ABCA13: variants seen among roughly 807,000 people sequenced by gnomAD.
ABCA13 encodes ATP binding cassette subfamily A member 13, also known as ATP-binding cassette sub-family A member 13.
Under a neutral mutation model 478.7 loss-of-function variants are expected in ABCA13, and 476 were observed. That is an observed-to-expected ratio of 0.99 (90% CI 0.92 to 1.07). The LOEUF (loss-of-function observed/expected upper bound fraction) is 1.07. Ranked by LOEUF, ABCA13 falls within the 50% of genes least tolerant of loss-of-function variation. The pLI, the probability that ABCA13 is intolerant of heterozygous loss-of-function variation, is 0.00. For missense variants in ABCA13, 6,060 were observed against 5,910.6 expected (o/e 1.03, Z -0.83); for synonymous variants, 2,252 against 2,158.9 (o/e 1.04, Z -1.20).
Position 48,391,150 on chromosome 7 carries a change from A to G in ABCA13, c.11655-771A>G, listed in dbSNP as rs1815984668. Among the ~76,000 whole-genome samples, 3 of 152,328 alleles carry G rather than the reference A, an allele frequency of 2.0e-5. No homozygotes were observed. The South Asian group carries it at 6.2e-4, about 32-fold the overall frequency. On this transcript the variant is annotated intron_variant, in intron 37 of 61. Transcript: ENST00000435803. Reference sequence around the variant, plus strand: ...GATTTCTTGTGGTTTTAACACACACAGACTATCCCGGGAGCAGCGGAAAGA... The same window carrying G: ...GATTTCTTGTGGTTTTAACACACACGGACTATCCCGGGAGCAGCGGAAAGA...
chr7:48,489,942 A>G (rs1445432118), intron 48 of ABCA13, among the ~76,000 whole-genome samples: 2 of 152,164 alleles, frequency 1.3e-5, no homozygotes, highest in East Asian at 3.8e-4. Flanking sequence ...CTTCTTTTTT[A>G]AAGAAAGGAA....
intron 58 of ABCA13, among the ~76,000 whole-genome samples, chr7:48,612,998 T>A (rs1351580207): frequency 6.6e-6 from 1 of 152,156 alleles, no homozygotes; most frequent in East Asian, 1.9e-4. Context: ...TAAAATCAAT[T>A]TGATTTAATG....
chr7:48,378,673 T>C (rs1813872574), intron 35 of ABCA13, among the ~76,000 whole-genome samples: 1 of 152,210 alleles, frequency 6.6e-6, no homozygotes, highest in Non-Finnish European at 1.5e-5. Context: ...GATTAACATC[T>C]ACCCAATATG....
chr7:48,481,790 G>C (rs930116140), intron 46 of ABCA13, among the ~76,000 whole-genome samples: 4 of 152,102 alleles, frequency 2.6e-5, no homozygotes, highest in African/African-American at 9.7e-5. Context: ...TTACAGGCAT[G>C]AGCCGATAGC....
chr7:48,397,436 A>T (rs1344705610), intron 38 of ABCA13, among the ~76,000 whole-genome samples: 2 of 152,094 alleles, frequency 1.3e-5, no homozygotes, highest in Non-Finnish European at 2.9e-5. Context: ...TTTCTTTCAA[A>T]GTGTCAAAAA....
At chr7:48,638,485 G>A (rs1918583) in intron 59 of ABCA13, among the ~76,000 whole-genome samples, 110,745 of 152,144 alleles carry the variant, frequency 0.73, 41,363 homozygotes, top group African/African-American at 0.89. Context: ...TTCTTCTCCA[G>A]GAGGAATGTG....
intron 55 of ABCA13, among the ~76,000 whole-genome samples, chr7:48,549,399 TC>T (rs897781260): frequency 2.6e-5 from 4 of 151,852 alleles, no homozygotes; most frequent in Admixed American, 1.3e-4. Flanking sequence ...ATGATCTCGT[TC>T]TTTTTTATGG....
chr7:48,363,955 A>G (rs1811280693), intron 31 of ABCA13, among the ~76,000 whole-genome samples: 2 of 152,252 alleles, frequency 1.3e-5, no homozygotes, highest in South Asian at 4.1e-4. Context: ...ACTTTTTCGC[A>G]TGGGTTTTTC....
intron 42 of ABCA13, among the ~76,000 whole-genome samples, chr7:48,446,292 C>A (rs1220454502): frequency 6.6e-6 from 1 of 151,194 alleles, no homozygotes. Flanking sequence ...TATCTTTAAG[C>A]TCAAAGTTTA....
intron 39 of ABCA13, 55 bp downstream of exon 39, chr7:48,403,934 A>G (rs774385549): frequency 5.2e-6 from 8 of 1,549,766 alleles, no homozygotes; most frequent in African/African-American, 1.4e-5. Context: ...GTTGCAGGAA[A>G]TGCATTGCTA....
chr7:48,301,036 G>A (rs1035024781), intron 23 of ABCA13, among the ~76,000 whole-genome samples: 1 of 152,156 alleles, frequency 6.6e-6, no homozygotes, highest in African/African-American at 2.4e-5. Flanking sequence ...TCAAAAGTCG[G>A]CCCTCTGTCC....
chr7:48,505,278 C>T (rs981955425), intron 48 of ABCA13, among the ~76,000 whole-genome samples: 1 of 152,108 alleles, frequency 6.6e-6, no homozygotes, highest in Non-Finnish European at 1.5e-5. Flanking sequence ...GACAGAAGTC[C>T]AGATGCCTGG....
At chr7:48,195,720 G>T (rs1797835635) in intron 2 of ABCA13, among the ~76,000 whole-genome samples, 1 of 152,106 alleles carries the variant, frequency 6.6e-6, no homozygotes, top group Non-Finnish European at 1.5e-5. Context: ...CCAGAACATA[G>T]GCCTCAAGAA....
rs1345341089 is a variant in ABCA13 at position 48,279,337 on chromosome 7, G to C, written c.8143G>C (p.Glu2715Gln). ...PQDIKWEIIH[E>Q]VIPFLDKILS... Reference sequence around the variant, plus strand: ...AGATATAAAATGGGAAATAATTCATGAAGTGATCCCTTTTTTGGATAAAAT... The same window carrying C: ...AGATATAAAATGGGAAATAATTCATCAAGTGATCCCTTTTTTGGATAAAAT... The change falls in exon 18 of 62, where the codon GAA becomes CAA. Residue 2715 changes from glutamate (E) to glutamine (Q), a missense_variant. Glu to Gln is a conservative substitution (Grantham distance 29). Transcript: ENST00000435803. 6.3e-7 allele frequency: 1 copy of C among 1,586,044 alleles called. No individual in the cohort carries two copies. Among genetic ancestry groups the C allele is most frequent in the South Asian group, 1.1e-5 (1 of 87,676 alleles).
chr7:48,320,571 G>A lies in ABCA13; in HGVS notation c.9999+3275G>A, dbSNP rs374170084. Among the ~76,000 whole-genome samples, 31 of 152,296 alleles carry A rather than the reference G, an allele frequency of 2.0e-4. No homozygotes were observed. In the South Asian group the frequency reaches 4.4e-3, roughly 21 times the overall value. On this transcript the variant is annotated intron_variant, in intron 27 of 61. Transcript: ENST00000435803. ...TCTTTTTATTTTATAGGTCAGAGTC[G>A]TGTTCAGTTTTGGCCCTAGGCTGAT... is the stretch of plus-strand genomic sequence containing the variant.
intron 55 of ABCA13, among the ~76,000 whole-genome samples, chr7:48,561,024 T>C (rs962728957): frequency 6.6e-6 from 1 of 152,326 alleles, no homozygotes; most frequent in Middle Eastern, 3.4e-3. Context: ...TCATCACAAA[T>C]GACATAATTT....
intron 35 of ABCA13, among the ~76,000 whole-genome samples, chr7:48,377,785 C>T (rs980538455): frequency 1.3e-5 from 2 of 151,982 alleles, no homozygotes; most frequent in Non-Finnish European, 2.9e-5. Context: ...GTTGAGAAGG[C>T]CAAGGGTTCA....
intron 43 of ABCA13, among the ~76,000 whole-genome samples, chr7:48,461,474 A>G (rs1417619490): frequency 6.6e-6 from 1 of 152,244 alleles, no homozygotes; most frequent in Non-Finnish European, 1.5e-5. Context: ...GAAAAAACAG[A>G]TGGTAAATGA....
intron 55 of ABCA13, among the ~76,000 whole-genome samples, chr7:48,538,063 A>C (rs1349339869): frequency 6.6e-6 from 1 of 151,158 alleles, no homozygotes; most frequent in African/African-American, 2.4e-5. Context: ...GCTTTTTTTC[A>C]GATACTCATT....
Sources: gnomAD v4.1 joint callset for allele counts (sites outside exome capture counted in the v4.1 genomes callset) on GRCh38, gnomAD v4.1.1 for gene constraint, MANE v1.5 for transcripts, NCBI Gene and HGNC (gene_info 2026-07-23, HGNC 2026-07-21) for gene names.